The following EEF2K variants were observed in gnomAD, a reference collection of about 807,000 sequenced individuals.
The protein encoded by EEF2K is eukaryotic elongation factor 2 kinase.
EEF2K carries 70 observed loss-of-function variants against 93.8 expected under a neutral mutation model. That is an observed-to-expected ratio of 0.75 (90% confidence interval 0.62 to 0.91). The LOEUF is 0.91. Ranked by LOEUF, EEF2K falls within the 40% of genes least tolerant of loss-of-function variation. The probability of loss-of-function intolerance (pLI) is 0.00; values close to 1 mark genes in which losing one functional copy is unlikely to be tolerated. For missense variants in EEF2K, 935 were observed against 972.9 expected (o/e 0.96, Z 0.52); for synonymous variants, 376 against 380.8 (o/e 0.99, Z 0.15).
chr16:22,269,375 C>G (rs565453109), intron 15 of EEF2K, among the ~76,000 whole-genome samples: 5 of 152,172 alleles, frequency 3.3e-5, no homozygotes, highest in Admixed American at 2.6e-4. Flanking sequence ...GATTTAGGGC[C>G]CACCTAACAT....
chr16:22,219,634 T>C (rs958695250), intron 1 of EEF2K, among the ~76,000 whole-genome samples: 1 of 151,930 alleles, frequency 6.6e-6, no homozygotes, highest in Non-Finnish European at 1.5e-5. Flanking sequence ...TCTCAAAAAA[T>C]AAAACTTTAC....
chr16:22,230,357 G>A (rs1446346219), intron 2 of EEF2K, among the ~76,000 whole-genome samples: 1 of 151,892 alleles, frequency 6.6e-6, no homozygotes, highest in African/African-American at 2.4e-5. Context: ...GGAACCACAG[G>A]TGCACGCCAC....
chr16:22,258,590 C>T lies in EEF2K; in HGVS notation c.1126C>T (p.Leu376Phe). 6.2e-7 allele frequency: 1 copy of T among 1,614,146 alleles called. No individual in the cohort carries two copies. Among genetic ancestry groups the T allele is most frequent in the African/African-American group, 1.3e-5 (1 of 75,034 alleles). Reference protein sequence around the residue: ...SGSRPPLLRPLSENSGDENMS... With the variant: ...SGSRPPLLRPFSENSGDENMS... ...GAGCCGGCCACCCCTGCTCCGTCCC[C>T]TTTCAGAGAACTCTGGAGACGAGAA... Residue 376 changes from leucine (L) to phenylalanine (F), a missense_variant, in exon 10 of 18, where the codon CTT becomes TTT. By Grantham distance (22) the Leu-to-Phe change is conservative. Transcript: ENST00000263026.
chr16:22,211,159 ACTT>A (rs1271007229), intron 1 of EEF2K, among the ~76,000 whole-genome samples: 7 of 152,080 alleles, frequency 4.6e-5, no homozygotes, highest in East Asian at 1.9e-4. Context: ...CCCCTCTCTC[ACTT>A]CTTCTCCACC....
At chr16:22,270,952 A>T (rs2047574547) in intron 15 of EEF2K, among the ~76,000 whole-genome samples, 1 of 149,908 alleles carries the variant, frequency 6.7e-6, no homozygotes, top group Non-Finnish European at 1.5e-5. Context: ...GTGTATATAT[A>T]TATACATATT....
rs555473929 is a variant in EEF2K at position 22,279,941 on chromosome 16, G to A, written c.1890-257G>A. Among the ~76,000 whole-genome samples, 3 of 152,186 alleles carry A rather than the reference G, an allele frequency of 2.0e-5. No homozygotes were observed. In the South Asian group the frequency reaches 6.2e-4, roughly 32 times the overall value. ...AACTTGAGAGGCGGAGGCTGCAGTG[G>A]GCCGAGATTGCACCACTGCACTCCA... On this transcript the variant is annotated intron_variant, in intron 16 of 17. Transcript: ENST00000263026.
intron 3 of EEF2K, 90 bp downstream of exon 3, chr16:22,244,820 G>C (rs1373094245): frequency 8.9e-6 from 12 of 1,344,116 alleles, no homozygotes; most frequent in Non-Finnish European, 1.3e-5. Flanking sequence ...ACTCTTGGGG[G>C]TCAGGGGAAG....
At chr16:22,274,582 A>G (rs1019047651) in intron 16 of EEF2K, among the ~76,000 whole-genome samples, 2 of 152,010 alleles carry the variant, frequency 1.3e-5, no homozygotes, top group Non-Finnish European at 2.9e-5. Flanking sequence ...AGATAGGATT[A>G]TGGGTGATTT....
intron 1 of EEF2K, among the ~76,000 whole-genome samples, chr16:22,211,489 T>G (rs879310135): frequency 2.0e-5 from 3 of 152,176 alleles, no homozygotes; most frequent in Non-Finnish European, 4.4e-5. Flanking sequence ...GGATAGAGTC[T>G]TGCCCTGCTG....
At chr16:22,252,709 A>G (rs2047363172) in intron 6 of EEF2K, among the ~76,000 whole-genome samples, 1 of 152,172 alleles carries the variant, frequency 6.6e-6, no homozygotes, top group Non-Finnish European at 1.5e-5. Context: ...CATACCCAAG[A>G]CTGGGTAATT....
Position 22,280,343 on chromosome 16 carries a change from G to A in EEF2K, c.2035G>A (p.Gly679Ser). The A allele has an allele frequency of 3.8e-6, 6 of 1,596,922 alleles. No homozygotes were observed. The highest frequency in any genetic ancestry group is 5.1e-6 in the Non-Finnish European group (6 of 1,171,544). The change falls in exon 17 of 18, where the codon GGC (glycine) becomes AGC (serine). Residue 679 changes from glycine to serine, a missense_variant. Physicochemically the swap from Gly to Ser is moderately conservative, Grantham distance 56 (BLOSUM62 0). Coordinates refer to ENST00000263026, the MANE Select transcript of EEF2K (RefSeq NM_013302.5). ...AREAEMLFTG[G>S]YGLEKDPQRS... ...GGAGGCCGAGATGCTGTTCACAGGA[G>A]GCTACGGGCTGGAGAAGGACCCGCA...
intron 1 of EEF2K, among the ~76,000 whole-genome samples, chr16:22,224,051 AC>A (rs1212074588): frequency 2.0e-5 from 3 of 152,012 alleles, no homozygotes; most frequent in Non-Finnish European, 2.9e-5. Flanking sequence ...TACTAAAAAT[AC>A]AAAAATTAGC....
intron 1 of EEF2K, among the ~76,000 whole-genome samples, chr16:22,225,156 G>A (rs1567263200): frequency 2.6e-5 from 4 of 152,248 alleles, no homozygotes; most frequent in South Asian, 2.1e-4. Flanking sequence ...GGAACAGCAG[G>A]TACAAAGGCT....
At chr16:22,232,879 T>C (rs557497395) in intron 2 of EEF2K, among the ~76,000 whole-genome samples, 3 of 148,206 alleles carry the variant, frequency 2.0e-5, no homozygotes, top group South Asian at 2.2e-4. Context: ...TAAACCTAAG[T>C]GGTTTTTTTT....
Position 22,260,065 on chromosome 16 carries a change from G to A in EEF2K, c.1232-397G>A, listed in dbSNP as rs1004803653. Among the ~76,000 whole-genome samples, 4 of 152,148 alleles carry A rather than the reference G, an allele frequency of 2.6e-5. 1 individual carries two copies. Among genetic ancestry groups the A allele is most frequent in the Admixed American group, 2.0e-4 (3 of 15,268 alleles). On this transcript the variant is annotated intron_variant, in intron 10 of 17. Coordinates refer to ENST00000263026, the MANE Select transcript of EEF2K (RefSeq NM_013302.5). Reference sequence around the variant, plus strand: ...ACCGTGCCCAGCTGAAGATGGTTTTGAAGCTATCTGAGGCCCACTTCTTGA... The same window carrying A: ...ACCGTGCCCAGCTGAAGATGGTTTTAAAGCTATCTGAGGCCCACTTCTTGA...
At chr16:22,219,696 C>T (rs2046993565) in intron 1 of EEF2K, among the ~76,000 whole-genome samples, 1 of 151,996 alleles carries the variant, frequency 6.6e-6, no homozygotes, top group African/African-American at 2.4e-5. Context: ...GCTACTGTTA[C>T]CAAATAAAAT....
At chr16:22,221,499 G>A (rs141344504) in intron 1 of EEF2K, among the ~76,000 whole-genome samples, 31 of 151,810 alleles carry the variant, frequency 2.0e-4, no homozygotes, top group African/African-American at 6.3e-4. Context: ...TAGCAAGAGC[G>A]CATTATACAA....
intron 15 of EEF2K, among the ~76,000 whole-genome samples, chr16:22,270,799 C>T (rs762349891): frequency 5.3e-5 from 8 of 151,910 alleles, no homozygotes; most frequent in African/African-American, 1.7e-4. Context: ...GGCAGGGCGT[C>T]GCCCACCAGT....
At chr16:22,263,255 A>G (rs1567283819) in intron 12 of EEF2K, 68 bp downstream of exon 12, 2 of 1,454,288 alleles carry the variant, frequency 1.4e-6, no homozygotes, top group Non-Finnish European at 1.9e-6. Flanking sequence ...GAAAATGAAA[A>G]CTCCCCTTCC....
Sources: gnomAD v4.1 joint callset for allele counts (sites outside exome capture counted in the v4.1 genomes callset) on GRCh38, gnomAD v4.1.1 for gene constraint, MANE v1.5 for transcripts, NCBI Gene and HGNC (gene_info 2026-07-23, HGNC 2026-07-21) for gene names.